The following OR14A2 variants were observed in gnomAD, a reference collection of about 807,000 sequenced individuals.
OR14A2 encodes olfactory receptor family 14 subfamily A member 2.
For missense variants in OR14A2, 237 were observed against 152.9 expected (o/e 1.55, Z -2.90); for synonymous variants, 114 against 58.6 (o/e 1.95, Z -4.32).
rs1449181232 is a variant in OR14A2, at chr1:247,723,726, T to TGA, written c.316_317dup (p.Ala107GlnfsTer17). 1 of 718,438 alleles carries TGA rather than the reference T, an allele frequency of 1.4e-6. No homozygotes were observed. The highest frequency in any genetic ancestry group is 2.0e-5 in the Admixed American group (1 of 49,986). 44.5% of individuals were successfully genotyped at this position (718,438 alleles called of 1,614,324 possible). ...CAGTGAGGATAAATATCTCTCCTGC[T>TGA]GAGAAGGAAGTCATTAAAAGTAGCT... On this transcript the variant is annotated frameshift_variant, in exon 1 of 1. Coordinates refer to ENST00000366485, the Ensembl canonical transcript of OR14A2. LOFTEE classifies it low-confidence loss of function (END_TRUNC).
upstream of OR14A2, among the ~76,000 whole-genome samples, chr1:247,728,235 G>A (rs963063227): frequency 6.6e-6 from 1 of 152,092 alleles, no homozygotes; most frequent in Non-Finnish European, 1.5e-5. Context: ...ATGATCAAGT[G>A]GGCTTCATCC....
At chr1:247,723,805 A>G (rs1443794930) in exon 1 of OR14A2, 2 of 718,124 alleles carry the variant, frequency 2.8e-6, no homozygotes, top group Non-Finnish European at 5.2e-6. Flanking sequence ...GTTGTTGACA[A>G]TGAATTTTGG....
the OR14A2 span, among the ~76,000 whole-genome samples, chr1:247,733,981 A>G: frequency 1.5e-4 from 23 of 152,302 alleles, no homozygotes; most frequent in African/African-American, 5.5e-4. Context: ...AGGCTGTTAC[A>G]TGGTATTAAA....
Position 247,723,771 on chromosome 1 carries a change from G to A in OR14A2, c.273C>T (p.Ser91=), listed in dbSNP as rs1442993386. ...GTAGCTGGAAGGCACATCCTAGAAT[G>A]GAAATGGAATTGTTGTGGGTTAGGT... Residue 91 remains serine, a synonymous_variant, in exon 1 of 1, where the codon TCC becomes TCT. Transcript: ENST00000366485. 4 of 718,178 alleles carry A rather than the reference G, an allele frequency of 5.6e-6. No homozygotes were observed. The Admixed American group carries it at 8.0e-5, about 14-fold the overall frequency. 44.5% of individuals were successfully genotyped at this position (718,178 alleles called of 1,614,324 possible). A position where few individuals can be genotyped will look rare whatever the true frequency, so the allele number is the denominator to read the frequency against.
the OR14A2 span, among the ~76,000 whole-genome samples, chr1:247,742,346 A>T: frequency 1.5e-5 from 2 of 137,794 alleles, no homozygotes; most frequent in Non-Finnish European, 3.2e-5. Context: ...ACATCACAAG[A>T]TTGAAATTTT....
chr1:247,747,354 G>A, the OR14A2 span, among the ~76,000 whole-genome samples: 16 of 147,646 alleles, frequency 1.1e-4, no homozygotes, highest in Middle Eastern at 3.5e-3. Context: ...CTGCTAATGC[G>A]AAGACTTTTT....
the OR14A2 span, among the ~76,000 whole-genome samples, chr1:247,729,231 CAT>C: frequency 8.5e-5 from 13 of 152,102 alleles, no homozygotes; most frequent in Non-Finnish European, 1.6e-4. Flanking sequence ...AGTATAATCA[CAT>C]GTGTTTTCTG....
At chr1:247,744,045 G>A in the OR14A2 span, among the ~76,000 whole-genome samples, 1 of 152,042 alleles carries the variant, frequency 6.6e-6, no homozygotes, top group East Asian at 1.9e-4. The surrounding 1 kb of genome is among the most constrained non-coding windows in gnomAD (Gnocchi z 4.3). Flanking sequence ...TTAAATGACC[G>A]CATCTTTTTC....
chr1:247,723,779 A>G, exon 1 of OR14A2: 1 of 718,234 alleles, frequency 1.4e-6, no homozygotes, highest in Admixed American at 2.0e-5. Flanking sequence ...ATGGAAATGG[A>G]ATTGTTGTGG....
the OR14A2 span, among the ~76,000 whole-genome samples, chr1:247,747,647 G>C: frequency 3.9e-5 from 6 of 152,122 alleles, no homozygotes; most frequent in East Asian, 1.9e-4. Context: ...CAGGCGTGAG[G>C]CACCGCGCCC....
the OR14A2 span, among the ~76,000 whole-genome samples, chr1:247,741,573 A>G: frequency 6.6e-6 from 1 of 152,240 alleles, no homozygotes; most frequent in South Asian, 2.1e-4. Flanking sequence ...TTAGAGAGCA[A>G]CCATACAGAG....
exon 1 of OR14A2, chr1:247,723,653 C>T (rs1356882880): frequency 7.0e-6 from 5 of 718,512 alleles, no homozygotes; most frequent in Middle Eastern, 2.3e-4. Context: ...ATGATTACCT[C>T]GTAGTTCAGG....
chr1:247,743,345 A>T, the OR14A2 span, among the ~76,000 whole-genome samples: 1 of 152,064 alleles, frequency 6.6e-6, no homozygotes, highest in Admixed American at 6.6e-5. Flanking sequence ...AGTGTCTATA[A>T]TGGCAGCCCC....
At chr1:247,742,947 C>T in the OR14A2 span, among the ~76,000 whole-genome samples, 6 of 152,222 alleles carry the variant, frequency 3.9e-5, 1 homozygote, top group South Asian at 2.1e-4. Flanking sequence ...ACTAGACACA[C>T]GTGACTACTG....
the OR14A2 span, among the ~76,000 whole-genome samples, chr1:247,734,320 A>C: frequency 6.6e-5 from 10 of 152,176 alleles, no homozygotes; most frequent in Admixed American, 2.6e-4. Flanking sequence ...AAACCAAGGC[A>C]GCTGACGTCT....
chr1:247,730,294 A>T, the OR14A2 span, among the ~76,000 whole-genome samples: 2 of 152,072 alleles, frequency 1.3e-5, no homozygotes, highest in African/African-American at 4.8e-5. Flanking sequence ...ATTCAAACAT[A>T]GCAAAAAAAC....
the OR14A2 span, among the ~76,000 whole-genome samples, chr1:247,730,303 A>G: frequency 6.6e-6 from 1 of 151,994 alleles, no homozygotes; most frequent in East Asian, 1.9e-4. Flanking sequence ...TAGCAAAAAA[A>G]CCTCACATGT....
the OR14A2 span, among the ~76,000 whole-genome samples, chr1:247,742,222 A>G: frequency 6.6e-6 from 1 of 152,210 alleles, no homozygotes; most frequent in East Asian, 1.9e-4. Flanking sequence ...TGTAATTTCC[A>G]GTCTGGTTTT....
the OR14A2 span, among the ~76,000 whole-genome samples, chr1:247,744,877 G>A: frequency 6.6e-6 from 1 of 152,126 alleles, no homozygotes; most frequent in East Asian, 1.9e-4. The surrounding 1 kb of genome is among the most constrained non-coding windows in gnomAD (Gnocchi z 4.3). Flanking sequence ...AACAAATCAG[G>A]AAAGGGGAGA....
Sources: gnomAD v4.1 joint callset for allele counts (sites outside exome capture counted in the v4.1 genomes callset) on GRCh38, gnomAD v4.1.1 for gene constraint, Gnocchi (gnomAD v3.1) non-coding constraint, MANE v1.5 for transcripts, NCBI Gene and HGNC (gene_info 2026-07-23, HGNC 2026-07-21) for gene names.